Variants in TRARG1 observed in about 807,000 individuals in gnomAD.
TRARG1 encodes the protein trafficking regulator of GLUT4 (SLC2A4) 1 (gene/pseudogene), also known as trafficking regulator of GLUT4 1.
In TRARG1, 16 loss-of-function variants were observed where a neutral mutation model predicts 13.3. The observed-to-expected ratio is 1.20, with a 90% confidence interval of 0.81 to 1.83. The LOEUF (loss-of-function observed/expected upper bound fraction) is 1.83. Among genes scored for constraint, TRARG1 ranks in the 40% most tolerant of loss-of-function variants. TRARG1 has a pLI of 0.00. For missense variants in TRARG1, 250 were observed against 237.4 expected, an observed-to-expected ratio of 1.05 and a Z score of -0.35; for synonymous variants, 113 against 106.2, an observed-to-expected ratio of 1.06 and a Z score of -0.39.
At chr17:1,291,637 A>G (rs1399185583) in intron 1 of TRARG1, among the ~76,000 whole-genome samples, 2 of 152,090 alleles carry the variant, frequency 1.3e-5, no homozygotes, top group African/African-American at 4.8e-5. Context: ...CAGAGGATGA[A>G]TTGTTCTAAC....
At chr17:1,282,186 A>G (rs1245704889) in intron 1 of TRARG1, among the ~76,000 whole-genome samples, 1 of 143,198 alleles carries the variant, frequency 7.0e-6, no homozygotes, top group African/African-American at 2.8e-5. Flanking sequence ...ACGTGCGTAT[A>G]TGTACGTGTA....
intron 1 of TRARG1, among the ~76,000 whole-genome samples, chr17:1,286,065 G>A (rs1253646230): frequency 6.6e-6 from 1 of 152,226 alleles, no homozygotes; most frequent in Non-Finnish European, 1.5e-5. Context: ...TGAGGTCCTG[G>A]AAGCAGTGGA....
intron 1 of TRARG1, among the ~76,000 whole-genome samples, chr17:1,292,757 G>T (rs2072081826): frequency 6.6e-6 from 1 of 152,142 alleles, no homozygotes; most frequent in African/African-American, 2.4e-5. Flanking sequence ...GAGTTCTCCT[G>T]GTATCAAGTG....
intron 1 of TRARG1, 73 bp downstream of exon 1, chr17:1,280,461 C>G: frequency 7.1e-7 from 1 of 1,416,350 alleles, no homozygotes; most frequent in Non-Finnish European, 9.5e-7. Flanking sequence ...CAGGCAGGCA[C>G]CAAACACTGC....
intron 1 of TRARG1, among the ~76,000 whole-genome samples, chr17:1,287,306 C>T (rs1181047927): frequency 6.6e-6 from 1 of 151,906 alleles, no homozygotes; most frequent in East Asian, 1.9e-4. Context: ...TGAGTACCTA[C>T]TAAATGTTAG....
intron 1 of TRARG1, among the ~76,000 whole-genome samples, chr17:1,290,861 T>G (rs1415084294): frequency 2.0e-5 from 3 of 151,290 alleles, no homozygotes; most frequent in Non-Finnish European, 4.4e-5. Context: ...ACCCCCACGC[T>G]GCTGCTCTCG....
At chr17:1,285,425 G>A (rs1200037611) in intron 1 of TRARG1, among the ~76,000 whole-genome samples, 1 of 146,830 alleles carries the variant, frequency 6.8e-6, no homozygotes, top group Admixed American at 6.8e-5. Flanking sequence ...AATTAAAGAG[G>A]GCTGGGCTCA....
chr17:1,287,010 G>A (rs73285330), intron 1 of TRARG1, among the ~76,000 whole-genome samples: 1,657 of 152,050 alleles, frequency 0.011, 28 homozygotes, highest in African/African-American at 0.038. Flanking sequence ...CTGGTGAGGT[G>A]GCTGAGATGA....
chr17:1,289,583 C>T (rs1197170385), intron 1 of TRARG1, among the ~76,000 whole-genome samples: 3 of 151,224 alleles, frequency 2.0e-5, no homozygotes, highest in Non-Finnish European at 4.4e-5. Flanking sequence ...TCTTTCCCAT[C>T]TTGTGCTTCC....
Position 1,295,556 on chromosome 17 carries a change from G to T in TRARG1, c.453G>T (p.Leu151=). 6.2e-7 allele frequency: 1 copy of T among 1,613,244 alleles called. No homozygotes were observed. ...GARRLGRLAR[L]LSITLIIMGI... Reference sequence around the variant, plus strand: ...GGAGGCTGGGCCGCCTGGCTCGGCTGCTCAGCATTACCCTCATCATCATGG... The same window carrying T: ...GGAGGCTGGGCCGCCTGGCTCGGCTTCTCAGCATTACCCTCATCATCATGG... Residue 151 remains leucine, a synonymous_variant, in exon 2 of 3, where the codon CTG becomes CTT. Coordinates refer to ENST00000333813, the MANE Select transcript of TRARG1 (RefSeq NM_172367.3).
At position 1,280,065 on chromosome 17, in the gene TRARG1, G is replaced by C. The variant is rs776561613; in HGVS notation, c.64G>C (p.Asp22His). 3.7e-6 allele frequency: 6 copies of C among 1,613,374 alleles called. No homozygotes were observed. The highest frequency in any genetic ancestry group is 5.1e-6 in the Non-Finnish European group (6 of 1,180,032). ...AQEPGSAAFL[D>H]LPEMEILLTK... Reference sequence around the variant, plus strand: ...GGAGCCAGGCTCCGCCGCATTCCTGGACCTGCCGGAGATGGAGATACTCCT... The same window carrying C: ...GGAGCCAGGCTCCGCCGCATTCCTGCACCTGCCGGAGATGGAGATACTCCT... Residue 22 changes from aspartate to histidine, a missense_variant, in exon 1 of 3, where the codon GAC becomes CAC. Transcript: ENST00000333813.
At chr17:1,281,110 G>A (rs1237189978) in intron 1 of TRARG1, among the ~76,000 whole-genome samples, 5 of 152,232 alleles carry the variant, frequency 3.3e-5, no homozygotes, top group Non-Finnish European at 2.9e-5. Context: ...GCATGGGGCC[G>A]GGTCTGTACT....
At position 1,298,323 on chromosome 17, in the gene TRARG1, C is replaced by A; in HGVS notation, c.*59C>A. 1.3e-6 allele frequency: 2 copies of A among 1,596,208 alleles called. No homozygotes were observed. Among genetic ancestry groups the A allele is most frequent in the South Asian group, 1.1e-5 (1 of 89,322 alleles). On this transcript the variant is annotated 3_prime_UTR_variant, in exon 3 of 3. Transcript: ENST00000333813. ...CCCTGGCCATCGGGAGAGCTCTGAC[C>A]TGCACACCGCGGGAGGCCAGGGTGC... is the stretch of plus-strand genomic sequence containing the variant.
intron 1 of TRARG1, among the ~76,000 whole-genome samples, chr17:1,294,264 C>T (rs533135981): frequency 6.6e-6 from 1 of 151,990 alleles, no homozygotes; most frequent in African/African-American, 2.4e-5. Context: ...TCCGTTTTAG[C>T]CGTTGAACTA....
At chr17:1,288,824 ATCCCCCACG>A (rs2072046863) in intron 1 of TRARG1, among the ~76,000 whole-genome samples, 1 of 24,538 alleles carries the variant, frequency 4.1e-5, no homozygotes, top group Non-Finnish European at 7.4e-5. Flanking sequence ...CGGGCTCCCC[ATCCCCCACG>A]GGTTCCCCAT....
chr17:1,294,466 G>GTTTT (rs2072096197), intron 1 of TRARG1, among the ~76,000 whole-genome samples: 1 of 73,894 alleles, frequency 1.4e-5, no homozygotes, highest in Admixed American at 1.7e-4. Flanking sequence ...TGAAGACAGT[G>GTTTT]TCTTTTTTTT....
At chr17:1,280,431 G>A (rs1398937766) in intron 1 of TRARG1, 43 bp downstream of exon 1, 1 of 1,515,174 alleles carries the variant, frequency 6.6e-7, no homozygotes, top group Admixed American at 2.1e-5. Flanking sequence ...CTGGGCCCAG[G>A]GGTCGGCAGG....
intron 1 of TRARG1, among the ~76,000 whole-genome samples, chr17:1,290,006 G>A (rs11650566): frequency 0.13 from 20,450 of 152,060 alleles, 1,735 homozygotes; most frequent in Admixed American, 0.23. Flanking sequence ...CACCCAAGCC[G>A]GGAACCTGGG....
At chr17:1,284,558 T>C (rs1257166216) in intron 1 of TRARG1, among the ~76,000 whole-genome samples, 2 of 152,208 alleles carry the variant, frequency 1.3e-5, no homozygotes. Context: ...TGAAACCCTC[T>C]AAGAGTGGGT....
Sources: allele counts gnomAD v4.1 joint callset (sites outside exome capture counted in the v4.1 genomes callset), GRCh38; gene constraint gnomAD v4.1.1; transcripts MANE v1.5; gene names NCBI Gene and HGNC (gene_info 2026-07-23, HGNC 2026-07-21).